The following FAM133B variants were observed in gnomAD, a reference collection of about 807,000 sequenced individuals.
FAM133B encodes the protein family with sequence similarity 133 member B.
A neutral mutation model predicts 46.4 loss-of-function variants in FAM133B; 25 were observed. The ratio of observed to expected loss-of-function variants is 0.54; its 90% CI spans 0.39 to 0.75. The LOEUF (loss-of-function observed/expected upper bound fraction) is 0.75, where lower values mean the gene tolerates loss of function less well. Among genes scored for constraint, FAM133B ranks in the 30% least tolerant of loss-of-function variants. The pLI, the probability that FAM133B is intolerant of heterozygous loss-of-function variation, is 0.00. For synonymous variants in FAM133B, 75 were observed against 86.0 expected (o/e 0.87, Z 0.71); for missense variants, 205 against 277.6 (o/e 0.74, Z 1.86).
At chr7:92,572,538 T>C (rs1794562825) in intron 8 of FAM133B, among the ~76,000 whole-genome samples, 1 of 152,134 alleles carries the variant, frequency 6.6e-6, no homozygotes, top group Non-Finnish European at 1.5e-5. Context: ...ACCAACATGG[T>C]GAAACCCTGT....
chr7:92,570,183 A>G (rs984481608), intron 8 of FAM133B, among the ~76,000 whole-genome samples: 2 of 152,128 alleles, frequency 1.3e-5, no homozygotes, highest in African/African-American at 4.8e-5. Flanking sequence ...ATACAGTCAT[A>G]TGAAATATGC....
chr7:92,588,387 G>T (rs1795094320), intron 1 of FAM133B, among the ~76,000 whole-genome samples: 1 of 152,144 alleles, frequency 6.6e-6, no homozygotes, highest in South Asian at 2.1e-4. Context: ...AGGCCCAAGG[G>T]TATTAGAAGA....
intron 8 of FAM133B, among the ~76,000 whole-genome samples, chr7:92,574,397 G>T (rs1053065132): frequency 7.2e-5 from 11 of 152,174 alleles, no homozygotes; most frequent in Non-Finnish European, 1.0e-4. Context: ...CCCATTAGAG[G>T]TTACTAGAGA....
chr7:92,576,244 G>A (rs925387761), intron 7 of FAM133B, among the ~76,000 whole-genome samples: 4 of 152,188 alleles, frequency 2.6e-5, no homozygotes, highest in Non-Finnish European at 4.4e-5. Flanking sequence ...TCCATAAAGC[G>A]GATTACCAAA....
At chr7:92,586,877 A>G (rs1472805347) in intron 1 of FAM133B, among the ~76,000 whole-genome samples, 3 of 152,248 alleles carry the variant, frequency 2.0e-5, no homozygotes, top group African/African-American at 7.2e-5. Context: ...GGTGGCCATC[A>G]TGAACTTAAG....
At chr7:92,574,207 A>T (rs143915857) in intron 8 of FAM133B, among the ~76,000 whole-genome samples, 2 of 152,338 alleles carry the variant, frequency 1.3e-5, no homozygotes, top group East Asian at 3.9e-4. Flanking sequence ...TGGATGGCGA[A>T]ATCCGCCACA....
chr7:92,577,809 T>A, intron 5 of FAM133B, 92 bp from the exon 6 acceptor site: 3 of 1,020,386 alleles, frequency 2.9e-6, no homozygotes. Context: ...ATCAATCTAG[T>A]GTCTGAGAAA....
chr7:92,575,433 A>G (rs914136703), intron 8 of FAM133B, among the ~76,000 whole-genome samples: 15 of 152,158 alleles, frequency 9.9e-5, no homozygotes, highest in African/African-American at 3.4e-4. Flanking sequence ...AAACGGCACC[A>G]CTGTACTCCA....
chr7:92,565,975 CCTATT>C, intron 10 of FAM133B, 34 bp downstream of exon 10: 2 of 1,601,570 alleles, frequency 1.2e-6, no homozygotes, highest in Non-Finnish European at 1.7e-6. Context: ...AACCAAAACA[CCTATT>C]CTATTGTCTG....
At chr7:92,569,075 G>A (rs570092070) in intron 9 of FAM133B, among the ~76,000 whole-genome samples, 92 of 152,198 alleles carry the variant, frequency 6.0e-4, no homozygotes, top group African/African-American at 2.0e-3. Context: ...AGGCTAATAC[G>A]GAAACGATTA....
At chr7:92,586,785 T>C (rs143148755) in intron 1 of FAM133B, among the ~76,000 whole-genome samples, 124 of 152,318 alleles carry the variant, frequency 8.1e-4, no homozygotes, top group African/African-American at 2.6e-3. Context: ...CCTATTTTTA[T>C]CTAGAGGATA....
At position 92,568,734 on chromosome 7, in the gene FAM133B, TA is replaced by T. The variant is rs552087731; in HGVS notation, c.609+1088del. Among the ~76,000 whole-genome samples, 248 of 152,186 alleles carry T rather than the reference TA, an allele frequency of 1.6e-3. 1 individual carries two copies. The highest frequency in any genetic ancestry group is 2.9e-3 in the Non-Finnish European group (195 of 68,016). On this transcript the variant is annotated intron_variant, in intron 9 of 10. Transcript: ENST00000445716. ...TCATAAAATTGCACATTATCATTATTATTTTTTTAGAGATGGGGTCTTGCTA... is the reference window on the plus strand; with the variant it reads ...TCATAAAATTGCACATTATCATTATTTTTTTTTAGAGATGGGGTCTTGCTA...
chr7:92,570,658 A>T (rs1226633987), intron 8 of FAM133B, among the ~76,000 whole-genome samples: 1 of 152,142 alleles, frequency 6.6e-6, no homozygotes, highest in Non-Finnish European at 1.5e-5. Flanking sequence ...AATGTTCACC[A>T]CCTAATCTTA....
At chr7:92,581,389 TAAAA>T (rs895875714) in intron 2 of FAM133B, 113 bp downstream of exon 2, 2 of 800,088 alleles carry the variant, frequency 2.5e-6, no homozygotes, top group African/African-American at 3.5e-5. Flanking sequence ...AAATGTTACT[TAAAA>T]AAATTACTTA....
chr7:92,567,864 A>T (rs992780170), intron 9 of FAM133B, among the ~76,000 whole-genome samples: 1 of 151,896 alleles, frequency 6.6e-6, no homozygotes, highest in African/African-American at 2.4e-5. Flanking sequence ...TTCCGGTTCA[A>T]GCGATTCTCC....
At chr7:92,579,817 T>C (rs1794812830) in intron 2 of FAM133B, among the ~76,000 whole-genome samples, 1 of 152,190 alleles carries the variant, frequency 6.6e-6, no homozygotes, top group Admixed American at 6.5e-5. Context: ...CTGAAATCTA[T>C]CTGACTGAAC....
chr7:92,588,079 T>C (rs1295518974), intron 1 of FAM133B, among the ~76,000 whole-genome samples: 1 of 152,204 alleles, frequency 6.6e-6, no homozygotes, highest in Non-Finnish European at 1.5e-5. Context: ...CCCTCCTCTA[T>C]GCAATGAGGA....
At chr7:92,585,145 A>C (rs1262390613) in intron 1 of FAM133B, among the ~76,000 whole-genome samples, 1 of 152,184 alleles carries the variant, frequency 6.6e-6, no homozygotes, top group African/African-American at 2.4e-5. Flanking sequence ...AACCAATCCC[A>C]AACAGAAGGC....
At chr7:92,590,181 T>C (rs1795159004) in intron 1 of FAM133B, 87 bp downstream of exon 1, 1 of 1,606,606 alleles carries the variant, frequency 6.2e-7, no homozygotes, top group Non-Finnish European at 8.5e-7. Flanking sequence ...CCGCTTGCCC[T>C]CCGGCCCGGC....
Sources: gnomAD v4.1 joint callset for allele counts (sites outside exome capture counted in the v4.1 genomes callset) on GRCh38, gnomAD v4.1.1 for gene constraint, MANE v1.5 for transcripts, NCBI Gene and HGNC (gene_info 2026-07-23, HGNC 2026-07-21) for gene names.